The following PLPP4 variants were observed in gnomAD, a reference collection of about 807,000 sequenced individuals.
PLPP4 encodes phospholipid phosphatase 4, also known as diacylglycerol pyrophosphate like 2.
A neutral mutation model predicts 32.2 loss-of-function variants in PLPP4; 20 were observed. That is an observed-to-expected ratio of 0.62 (90% CI 0.44 to 0.90). PLPP4 has a LOEUF of 0.90. Ranked by LOEUF, PLPP4 falls within the 40% of genes least tolerant of loss-of-function variation. PLPP4 has a pLI of 0.00. For synonymous variants in PLPP4, 127 were observed against 133.0 expected (o/e 0.95, Z 0.31); for missense variants, 257 against 353.1 (o/e 0.73, Z 2.18).
chr10:120,514,474 C>T (rs2133893253), intron 3 of PLPP4, among the ~76,000 whole-genome samples: 1 of 152,282 alleles, frequency 6.6e-6, no homozygotes, highest in South Asian at 2.1e-4. Context: ...ATATTACAAA[C>T]AAGCTCTATA....
At chr10:120,533,366 T>G (rs1846836258) in intron 5 of PLPP4, among the ~76,000 whole-genome samples, 1 of 152,198 alleles carries the variant, frequency 6.6e-6, no homozygotes, top group African/African-American at 2.4e-5. Context: ...TCCGGTTTTG[T>G]GTCTTTTTAT....
intron 1 of PLPP4, 111 bp from the exon 2 acceptor site, chr10:120,503,707 C>T: frequency 6.3e-7 from 1 of 1,590,494 alleles, no homozygotes; most frequent in Non-Finnish European, 8.6e-7. Flanking sequence ...TTTCCCCTTC[C>T]CCAGCAGGCT....
intron 6 of PLPP4, among the ~76,000 whole-genome samples, chr10:120,578,950 A>C (rs182265284): frequency 5.3e-5 from 8 of 152,368 alleles, no homozygotes; most frequent in Admixed American, 2.0e-4. Flanking sequence ...AGCAGCGCTC[A>C]AACTTGTGGA....
intron 2 of PLPP4, among the ~76,000 whole-genome samples, chr10:120,508,838 G>A (rs778098529): frequency 3.3e-5 from 5 of 152,182 alleles, no homozygotes; most frequent in Non-Finnish European, 7.3e-5. Context: ...AATTGAAAAT[G>A]CATCAATCCT....
At chr10:120,560,630 C>T (rs1848389749) in intron 5 of PLPP4, among the ~76,000 whole-genome samples, 1 of 152,086 alleles carries the variant, frequency 6.6e-6, no homozygotes, top group Non-Finnish European at 1.5e-5. Flanking sequence ...TGGTGTGCAC[C>T]TGTAATCCCA....
At chr10:120,511,259 G>A (rs1338596468) in intron 2 of PLPP4, among the ~76,000 whole-genome samples, 9 of 152,298 alleles carry the variant, frequency 5.9e-5, no homozygotes, top group Middle Eastern at 3.4e-3. Flanking sequence ...TCATTGGGCA[G>A]CTCTAATGAA....
In PLPP4 at chr10:120,575,260, T is replaced by C; in HGVS notation, c.575T>C (p.Ile192Thr). ...AILPLYCAMM[I>T]ALSRMCDYKH... ...CTGCCCTTGTACTGCGCCATGATGA[T>C]TGCCCTGTCCCGCATGTGCGACTAC... The change falls in exon 6 of 7, where the codon ATT becomes ACT. Residue 192 changes from isoleucine (I) to threonine (T), a missense_variant. Transcript: ENST00000398250. 6.2e-7 allele frequency: 1 copy of C among 1,614,132 alleles called. No individual in the cohort carries two copies. The highest frequency in any genetic ancestry group is 8.5e-7 in the Non-Finnish European group (1 of 1,180,020).
intron 5 of PLPP4, among the ~76,000 whole-genome samples, chr10:120,548,135 T>C (rs1281855669): frequency 3.3e-5 from 5 of 152,094 alleles, no homozygotes; most frequent in Admixed American, 6.6e-5. Context: ...ATAGGTAAAT[T>C]GTGTGTTGTG....
chr10:120,510,933 A>G (rs1455661157), intron 2 of PLPP4, among the ~76,000 whole-genome samples: 1 of 152,150 alleles, frequency 6.6e-6, no homozygotes, highest in African/African-American at 2.4e-5. Context: ...ACATCTTGCA[A>G]TCACACAGAC....
Position 120,470,141 on chromosome 10 carries a change from G to A in PLPP4, c.56+12780G>A, listed in dbSNP as rs537940365. Among the ~76,000 whole-genome samples, 10 of 152,276 alleles carry A rather than the reference G, an allele frequency of 6.6e-5. 1 individual carries two copies. The South Asian group carries it at 2.1e-3, about 32-fold the overall frequency. On this transcript the variant is annotated intron_variant, in intron 1 of 6. Transcript: ENST00000398250. ...CATCCTTGCCGATGTTGGATGTTTT[G>A]TATTTCTGCCATGGCCTGGAATGTA...
At chr10:120,539,916 A>G (rs1278249550) in intron 5 of PLPP4, among the ~76,000 whole-genome samples, 1 of 151,916 alleles carries the variant, frequency 6.6e-6, no homozygotes, top group African/African-American at 2.4e-5. Context: ...ACCTAATAAC[A>G]GATGCTAGGG....
In PLPP4 at chr10:120,514,151, G is replaced by A. The variant is rs954197917; in HGVS notation, c.256+150G>A. ...AAGATAAGATAAAGATAAACTTTAA[G>A]CCCAAAGAAGAGCCAACGTGCGGTC... On this transcript the variant is annotated intron_variant, in intron 3 of 6. Coordinates refer to ENST00000398250, the MANE Select transcript of PLPP4 (RefSeq NM_001030059.3). The A allele has an allele frequency of 1.0e-5, 7 of 695,736 alleles. No individual in the cohort carries two copies. The African/African-American group carries it at 1.1e-4, about 11-fold the overall frequency. The allele number at this position is 695,736 out of a possible 1,614,324, so 43.1% of individuals were successfully genotyped here. A position where few individuals can be genotyped will look rare whatever the true frequency, so the allele number is the denominator to read the frequency against.
intron 5 of PLPP4, among the ~76,000 whole-genome samples, chr10:120,549,346 C>T (rs910042429): frequency 4.7e-5 from 7 of 150,114 alleles, no homozygotes; most frequent in Admixed American, 2.0e-4. Flanking sequence ...TAGATGAAGG[C>T]GAAATCTAAT....
At chr10:120,538,012 C>A (rs1847119843) in intron 5 of PLPP4, among the ~76,000 whole-genome samples, 1 of 33,912 alleles carries the variant, frequency 2.9e-5, no homozygotes, top group African/African-American at 8.2e-5. Context: ...CTCTCTCTCT[C>A]TCTCTCTCTC....
chr10:120,556,901 A>T (rs191026416), intron 5 of PLPP4, among the ~76,000 whole-genome samples: 1 of 144,302 alleles, frequency 6.9e-6, no homozygotes, highest in Admixed American at 7.1e-5. Context: ...CAAAAACCAC[A>T]ATTACTTTTG....
rs1849933450 is a variant in PLPP4 at position 120,589,709 on chromosome 10, T to C, written c.*207T>C. 2 of 561,954 alleles carry C rather than the reference T, an allele frequency of 3.6e-6. No individual in the cohort carries two copies. Among genetic ancestry groups the C allele is most frequent in the South Asian group, 5.0e-5 (2 of 39,844 alleles). 34.8% of individuals were successfully genotyped at this position (561,954 alleles called of 1,614,324 possible). On this transcript the variant is annotated 3_prime_UTR_variant, in exon 7 of 7. Coordinates refer to ENST00000398250, the MANE Select transcript of PLPP4 (RefSeq NM_001030059.3). The stretch of plus-strand genomic sequence containing the variant: ...TGAATTTGCAAGTGAAGGACAACAA[T>C]CTCTGAGAGACGTGTGGAAGAGGCT...
At chr10:120,469,372 C>T (rs184500566) in intron 1 of PLPP4, among the ~76,000 whole-genome samples, 11 of 151,986 alleles carry the variant, frequency 7.2e-5, no homozygotes, top group South Asian at 4.2e-4. Context: ...GGACTACAGG[C>T]GCCCGCCACC....
At chr10:120,485,686 A>G (rs944283349) in intron 1 of PLPP4, among the ~76,000 whole-genome samples, 1 of 152,256 alleles carries the variant, frequency 6.6e-6, no homozygotes, top group Non-Finnish European at 1.5e-5. Flanking sequence ...CATTAGGGAA[A>G]TAAATGAGGT....
chr10:120,461,335 T>TA (rs1464439759), intron 1 of PLPP4, among the ~76,000 whole-genome samples: 1 of 152,222 alleles, frequency 6.6e-6, no homozygotes, highest in Non-Finnish European at 1.5e-5. Context: ...AAGCACTCTG[T>TA]ATTTACAAGA....
Sources: gnomAD v4.1 joint callset for allele counts (sites outside exome capture counted in the v4.1 genomes callset) on GRCh38, gnomAD v4.1.1 for gene constraint, MANE v1.5 for transcripts, NCBI Gene and HGNC (gene_info 2026-07-23, HGNC 2026-07-21) for gene names.